The following GALNT18 variants were observed in gnomAD, a reference collection of about 807,000 sequenced individuals.
GALNT18 encodes the protein polypeptide N-acetylgalactosaminyltransferase 18.
GALNT18 carries 44 observed loss-of-function variants against 69.5 expected under a neutral mutation model. The ratio of observed to expected loss-of-function variants is 0.63; its 90% CI spans 0.50 to 0.81. The LOEUF is 0.81. GALNT18 is among the 40% of genes least tolerant of loss of function. The probability of loss-of-function intolerance (pLI) is 0.00; values close to 1 mark genes in which losing one functional copy is unlikely to be tolerated. For missense variants in GALNT18, 715 were observed against 810.0 expected (o/e 0.88, Z 1.42); for synonymous variants, 364 against 318.2 (o/e 1.14, Z -1.53).
intron 1 of GALNT18, among the ~76,000 whole-genome samples, chr11:11,499,095 C>T (rs765769653): frequency 8.5e-5 from 13 of 152,170 alleles, no homozygotes; most frequent in Non-Finnish European, 1.6e-4. Context: ...TATGTTACCT[C>T]GAGTCCTCGT....
At chr11:11,370,708 T>G (rs889072971) in intron 6 of GALNT18, among the ~76,000 whole-genome samples, 1 of 152,164 alleles carries the variant, frequency 6.6e-6, no homozygotes, top group African/African-American at 2.4e-5. Flanking sequence ...CAGAATAGCT[T>G]TATAACTTTA....
chr11:11,385,279 C>T (rs1304989635), intron 3 of GALNT18, among the ~76,000 whole-genome samples: 2 of 150,068 alleles, frequency 1.3e-5, no homozygotes, highest in South Asian at 2.1e-4. Flanking sequence ...TAGGCCCCAC[C>T]TCCACTATTG....
At chr11:11,531,453 C>T (rs890449398) in intron 1 of GALNT18, among the ~76,000 whole-genome samples, 8 of 152,220 alleles carry the variant, frequency 5.3e-5, no homozygotes, top group South Asian at 2.1e-4. Context: ...CGAGTGCATA[C>T]GCATCGGGCT....
rs538485250 is a variant in GALNT18, at chr11:11,319,745, T to G, written c.1512+7341A>C. Among the ~76,000 whole-genome samples the G allele has an allele frequency of 1.2e-4, 19 of 152,328 alleles. No individual in the cohort carries two copies. In the South Asian group the frequency reaches 3.5e-3, roughly 28 times the overall value. ...CCAATGATTGGGAAGAGTTTCCTCA[T>G]GCTCAGCCAAAAATCTGCATCCTTA... is the stretch of plus-strand genomic sequence containing the variant. On this transcript the variant is annotated intron_variant, in intron 9 of 10. Transcript: ENST00000227756.
In GALNT18 at chr11:11,377,331, G is replaced by C; in HGVS notation, c.828C>G (p.Ile276Met). 1 of 1,613,996 alleles carries C rather than the reference G, an allele frequency of 6.2e-7. No individual in the cohort carries two copies. The highest frequency in any genetic ancestry group is 8.5e-7 in the Non-Finnish European group (1 of 1,180,016). ...ATTTGATGTTATCAAAGGATGGCGA[G>C]ATGATCCGCTTCCGGTTCTCCTTGA... ...TRIKENRKRIISPSFDNIKYD... is the reference protein window; with the variant it reads ...TRIKENRKRIMSPSFDNIKYD... Residue 276 changes from isoleucine (I) to methionine (M), a missense_variant, in exon 5 of 11, where the codon ATC becomes ATG. By Grantham distance (10) the Ile-to-Met change is conservative. Transcript: ENST00000227756. This position sits in a 1 kb window ranked among gnomAD's most constrained non-coding sequence, Gnocchi z 4.6.
chr11:11,586,270 T>A lies in GALNT18; in HGVS notation c.235+35089A>T, dbSNP rs1254811616. On this transcript the variant is annotated intron_variant, in intron 1 of 10. Coordinates refer to ENST00000227756, the MANE Select transcript of GALNT18 (RefSeq NM_198516.3). The surrounding 1 kb of genome is among the most constrained non-coding windows in gnomAD (Gnocchi z 4.1). ...GTGCTACTTATGTTAATTTATGTAA[T>A]TGGGTTTATTATTGCCATTGTTAAA... Among the ~76,000 whole-genome samples, 2 of 152,368 alleles carry A rather than the reference T, an allele frequency of 1.3e-5. No homozygotes were observed. Among genetic ancestry groups the A allele is most frequent in the African/African-American group, 4.8e-5 (2 of 41,600 alleles).
intron 9 of GALNT18, among the ~76,000 whole-genome samples, chr11:11,295,121 A>G (rs1849372517): frequency 6.6e-6 from 1 of 152,206 alleles, no homozygotes; most frequent in Non-Finnish European, 1.5e-5. Flanking sequence ...AAGGCAGTGC[A>G]GGTGAGGAGG....
At chr11:11,392,493 C>T (rs1340230057) in intron 3 of GALNT18, among the ~76,000 whole-genome samples, 1 of 152,160 alleles carries the variant, frequency 6.6e-6, no homozygotes, top group African/African-American at 2.4e-5. Flanking sequence ...GTAGCGCATG[C>T]CTGTAATCCC....
rs914843926 is a variant in GALNT18 at position 11,347,843 on chromosome 11, C to T, written c.1093-6839G>A. Among the ~76,000 whole-genome samples, 2 of 152,118 alleles carry T rather than the reference C, an allele frequency of 1.3e-5. No individual in the cohort carries two copies. Among genetic ancestry groups the T allele is most frequent in the Non-Finnish European group, 2.9e-5 (2 of 68,022 alleles). On this transcript the variant is annotated intron_variant, in intron 6 of 10. Coordinates refer to ENST00000227756, the MANE Select transcript of GALNT18 (RefSeq NM_198516.3). This position sits in a 1 kb window ranked among gnomAD's most constrained non-coding sequence, Gnocchi z 4.0. ...CCTAACTTGGCTGCAAAAGCAGAGA[C>T]AAGAGTGAAAAGCCAAAACCAGCAG...
chr11:11,280,327 G>A (rs531185585), intron 10 of GALNT18, among the ~76,000 whole-genome samples: 1 of 152,178 alleles, frequency 6.6e-6, no homozygotes, highest in Non-Finnish European at 1.5e-5. Flanking sequence ...TGCTGAAAGA[G>A]ACCTTGAAGG....
intron 3 of GALNT18, among the ~76,000 whole-genome samples, chr11:11,420,550 G>A (rs7131235): frequency 0.38 from 58,207 of 152,046 alleles, 12,963 homozygotes; most frequent in East Asian, 0.82. Context: ...TGTCAGTAGG[G>A]AGCATTTGAT....
chr11:11,543,568 C>T lies in GALNT18; in HGVS notation c.235+77791G>A, dbSNP rs1211807454. The stretch of plus-strand genomic sequence containing the variant: ...GTCTTTCCCACAGCATGCCAGGGGC[C>T]AGGGGTGTGGGGAAGGGCAGGGCTG... On this transcript the variant is annotated intron_variant, in intron 1 of 10. Coordinates refer to ENST00000227756, the MANE Select transcript of GALNT18 (RefSeq NM_198516.3). This position sits in a 1 kb window ranked among gnomAD's most constrained non-coding sequence, Gnocchi z 5.1. 6.6e-6 allele frequency among the ~76,000 whole-genome samples: 1 copy of T among 152,126 alleles called. No individual in the cohort carries two copies. Among genetic ancestry groups the T allele is most frequent in the African/African-American group, 2.4e-5 (1 of 41,438 alleles).
At chr11:11,493,823 T>C (rs1172356828) in intron 1 of GALNT18, among the ~76,000 whole-genome samples, 1 of 152,138 alleles carries the variant, frequency 6.6e-6, no homozygotes, top group East Asian at 1.9e-4. Flanking sequence ...CTTGAGCCAG[T>C]TGTCCCTTTG....
chr11:11,274,539 A>G (rs1848897093), intron 10 of GALNT18, among the ~76,000 whole-genome samples: 1 of 152,190 alleles, frequency 6.6e-6, no homozygotes, highest in African/African-American at 2.4e-5. Flanking sequence ...TGGCCTGAGT[A>G]GGTGGGTTTT....
chr11:11,363,046 T>C (rs1379939228), intron 6 of GALNT18, among the ~76,000 whole-genome samples: 1 of 152,152 alleles, frequency 6.6e-6, no homozygotes, highest in African/African-American at 2.4e-5. Flanking sequence ...ATAATAAAAA[T>C]GTGCATAGTA....
At chr11:11,519,283 G>A (rs1004155738) in intron 1 of GALNT18, among the ~76,000 whole-genome samples, 1 of 152,206 alleles carries the variant, frequency 6.6e-6, no homozygotes, top group African/African-American at 2.4e-5. Flanking sequence ...AGTCAACAGA[G>A]GTAGAGGCAC....
chr11:11,313,004 A>G (rs1015819066), intron 9 of GALNT18, among the ~76,000 whole-genome samples: 1 of 152,228 alleles, frequency 6.6e-6, no homozygotes. Context: ...TGAAAAAATC[A>G]GACAAGGTAC....
intron 2 of GALNT18, among the ~76,000 whole-genome samples, chr11:11,441,421 A>C (rs1371323554): frequency 6.6e-6 from 1 of 152,202 alleles, no homozygotes; most frequent in Non-Finnish European, 1.5e-5. Flanking sequence ...CACAGAGGCA[A>C]GATCCCAAAC....
In GALNT18 at chr11:11,465,700, G is replaced by A. The variant is rs1249908939; in HGVS notation, c.236-16764C>T. On this transcript the variant is annotated intron_variant, in intron 1 of 10. Transcript: ENST00000227756. The surrounding 1 kb of genome is among the most constrained non-coding windows in gnomAD (Gnocchi z 5.7). ...CACCCACCTGTATAAGACATACCACGGTTAGCTCCTGGACCATGGACCTGG... is the reference window on the plus strand; with the variant it reads ...CACCCACCTGTATAAGACATACCACAGTTAGCTCCTGGACCATGGACCTGG... Among the ~76,000 whole-genome samples, 1 of 152,080 alleles carries A rather than the reference G, an allele frequency of 6.6e-6. No individual in the cohort carries two copies. The highest frequency in any genetic ancestry group is 2.1e-4 in the South Asian group (1 of 4,814).
Sources: allele counts gnomAD v4.1 joint callset (sites outside exome capture counted in the v4.1 genomes callset), GRCh38; gene constraint gnomAD v4.1.1; non-coding constraint Gnocchi (gnomAD v3.1); transcripts MANE v1.5; gene names NCBI Gene and HGNC (gene_info 2026-07-23, HGNC 2026-07-21).